AKR1E2: variants seen among roughly 807,000 people sequenced by gnomAD.
AKR1E2 encodes 1,5-anhydro-D-fructose reductase.
In AKR1E2, 43 loss-of-function variants were observed where a neutral mutation model predicts 41.9. The ratio of observed to expected loss-of-function variants is 1.03; its 90% CI spans 0.80 to 1.32. The LOEUF (loss-of-function observed/expected upper bound fraction) is 1.32. Among genes scored for constraint, AKR1E2 ranks in the 40% most tolerant of loss-of-function variants. AKR1E2 has a pLI of 0.00. For synonymous variants in AKR1E2, 121 were observed against 138.9 expected (o/e 0.87, Z 0.91); for missense variants, 423 against 396.5 (o/e 1.07, Z -0.57).
chr10:4,861,271 T>G, the AKR1E2 span, among the ~76,000 whole-genome samples: 1 of 152,180 alleles, frequency 6.6e-6, no homozygotes, highest in African/African-American at 2.4e-5. Flanking sequence ...ATGTGTTATT[T>G]AATTAAAAAA....
the AKR1E2 span, among the ~76,000 whole-genome samples, chr10:4,862,637 G>A: frequency 6.6e-6 from 1 of 152,066 alleles, no homozygotes; most frequent in African/African-American, 2.4e-5. Context: ...TCTTTGAAGA[G>A]GTCCTTCACA....
downstream of AKR1E2, among the ~76,000 whole-genome samples, chr10:4,852,668 G>A (rs571856050): frequency 1.1e-4 from 17 of 152,294 alleles, no homozygotes; most frequent in African/African-American, 4.1e-4. Context: ...TTTGCAAGCA[G>A]AAAATACAAC....
chr10:4,847,801 T>C lies in AKR1E2; in HGVS notation c.*271T>C. The C allele has an allele frequency of 2.1e-6, 1 of 470,192 alleles. No homozygotes were observed. Among genetic ancestry groups the C allele is most frequent in the East Asian group, 3.5e-5 (1 of 28,848 alleles). 29.1% of individuals were successfully genotyped at this position (470,192 alleles called of 1,614,324 possible). On this transcript the variant is annotated 3_prime_UTR_variant, in exon 10 of 10. Transcript: ENST00000298375. ...TCATCAGTGAAATTTGCCTTCACAT[T>C]TTAAGAAAACTTTATCTTATGGAGT... is the stretch of plus-strand genomic sequence containing the variant.
At chr10:4,833,519 G>A (rs943601595) in intron 3 of AKR1E2, 53 bp downstream of exon 3, 1 of 1,467,524 alleles carries the variant, frequency 6.8e-7, no homozygotes, top group African/African-American at 1.4e-5. Context: ...TCCTCCCCGT[G>A]CTCACACCCT....
chr10:4,862,311 C>G, the AKR1E2 span, among the ~76,000 whole-genome samples: 3 of 152,144 alleles, frequency 2.0e-5, no homozygotes, highest in Non-Finnish European at 4.4e-5. Context: ...GGTACCAGTA[C>G]CATGCTGTTT....
chr10:4,844,375 A>G (rs553569614), intron 8 of AKR1E2, among the ~76,000 whole-genome samples: 1 of 152,300 alleles, frequency 6.6e-6, no homozygotes, highest in South Asian at 2.1e-4. Context: ...TGTGGACCCA[A>G]AGAGTGAGCA....
At chr10:4,868,210 A>G in the AKR1E2 span, among the ~76,000 whole-genome samples, 5 of 152,088 alleles carry the variant, frequency 3.3e-5, no homozygotes, top group African/African-American at 1.2e-4. Context: ...TTTTTCCCAC[A>G]GAGAGAAGTT....
intron 8 of AKR1E2, among the ~76,000 whole-genome samples, chr10:4,845,014 C>A (rs1834212328): frequency 6.6e-6 from 1 of 152,168 alleles, no homozygotes; most frequent in Admixed American, 6.5e-5. Context: ...CACGGAGGGT[C>A]AGGGGAGGCT....
Position 4,845,892 on chromosome 10 carries a change from G to A in AKR1E2, c.838-1256G>A, listed in dbSNP as rs184895431. ...CTGATGGCTGAGGACAGACAGCAGCGGCGGGTTAGGAGGGGCCGGAGGAAG... is the reference window on the plus strand; with the variant it reads ...CTGATGGCTGAGGACAGACAGCAGCAGCGGGTTAGGAGGGGCCGGAGGAAG... On this transcript the variant is annotated intron_variant, in intron 8 of 9. Transcript: ENST00000298375. 4.3e-4 allele frequency: 201 copies of A among 468,298 alleles called. No individual in the cohort carries two copies. The East Asian group carries it at 8.7e-3, about 20-fold the overall frequency. The allele number at this position is 468,298 out of a possible 1,614,324, so 29.0% of individuals were successfully genotyped here. A position where few individuals can be genotyped will look rare whatever the true frequency, so the allele number is the denominator to read the frequency against.
At position 4,837,549 on chromosome 10, in the gene AKR1E2, C is replaced by T. The variant is rs145502026; in HGVS notation, c.550C>T (p.Pro184Ser). 25 of 1,613,780 alleles carry T rather than the reference C, an allele frequency of 1.5e-5. No individual in the cohort carries two copies. The African/African-American group carries it at 2.7e-4, about 17-fold the overall frequency. Reference sequence around the variant, plus strand: ...ACAGCTTGAGAGGCTTTTGAATAAGCCTGGGTTGAGGTTCAAGCCACTAAC... The same window carrying T: ...ACAGCTTGAGAGGCTTTTGAATAAGTCTGGGTTGAGGTTCAAGCCACTAAC... ...HEQLERLLNK[P>S]GLRFKPLTNQ... The change falls in exon 5 of 10, where the codon CCT (proline) becomes TCT (serine). Residue 184 changes from proline (P) to serine (S), a missense_variant. Physicochemically the swap from Pro to Ser is moderately conservative, Grantham distance 74. Transcript: ENST00000298375.
chr10:4,862,988 T>C, the AKR1E2 span, among the ~76,000 whole-genome samples: 6,627 of 152,150 alleles, frequency 0.044, 161 homozygotes, highest in African/African-American at 0.074. Context: ...CAAAGAGACT[T>C]AGACTCCCAC....
At chr10:4,826,561 C>G (rs1362936780) in intron 1 of AKR1E2, among the ~76,000 whole-genome samples, 198 bp downstream of exon 1, 3 of 152,168 alleles carry the variant, frequency 2.0e-5, no homozygotes, top group African/African-American at 4.8e-5. Context: ...AAAACGGAGT[C>G]GGTGCTGCCC....
chr10:4,859,047 C>T, the AKR1E2 span, among the ~76,000 whole-genome samples: 1 of 152,116 alleles, frequency 6.6e-6, no homozygotes, highest in African/African-American at 2.4e-5. Context: ...TGGTCTCAAA[C>T]TCCTGACTTC....
chr10:4,865,561 A>C, the AKR1E2 span, among the ~76,000 whole-genome samples: 1 of 152,220 alleles, frequency 6.6e-6, no homozygotes, highest in Non-Finnish European at 1.5e-5. Context: ...ATAAAAGTGA[A>C]TCTGACAATG....
At chr10:4,863,960 C>T in the AKR1E2 span, among the ~76,000 whole-genome samples, 3 of 152,108 alleles carry the variant, frequency 2.0e-5, no homozygotes, top group Admixed American at 6.5e-5. Context: ...GAAATTGAGG[C>T]AATAATTAAT....
chr10:4,841,530 G>A (rs1401905671), intron 6 of AKR1E2, among the ~76,000 whole-genome samples: 1 of 152,126 alleles, frequency 6.6e-6, no homozygotes, highest in Non-Finnish European at 1.5e-5. Flanking sequence ...TGGCCACCTG[G>A]TTTTTGAGGA....
At chr10:4,838,501 T>C (rs755255202) in intron 5 of AKR1E2, among the ~76,000 whole-genome samples, 1 of 152,246 alleles carries the variant, frequency 6.6e-6, no homozygotes, top group Non-Finnish European at 1.5e-5. Context: ...CATCATGTTC[T>C]ATTTTTTTGA....
At chr10:4,829,400 T>C (rs942488603) in intron 1 of AKR1E2, among the ~76,000 whole-genome samples, 4 of 152,252 alleles carry the variant, frequency 2.6e-5, no homozygotes, top group African/African-American at 7.2e-5. Context: ...ATTTTACTTA[T>C]GAATTTTGCA....
intron 1 of AKR1E2, among the ~76,000 whole-genome samples, chr10:4,828,438 C>T (rs938520858): frequency 6.6e-6 from 1 of 152,144 alleles, no homozygotes; most frequent in African/African-American, 2.4e-5. Flanking sequence ...TGATAAGCGC[C>T]CATACCTAGT....
Sources: gnomAD v4.1 joint callset for allele counts (sites outside exome capture counted in the v4.1 genomes callset) on GRCh38, gnomAD v4.1.1 for gene constraint, MANE v1.5 for transcripts, NCBI Gene and HGNC (gene_info 2026-07-23, HGNC 2026-07-21) for gene names.